SUMF1: variants seen among roughly 807,000 people sequenced by gnomAD.
SUMF1 encodes sulfatase modifying factor 1.
A neutral mutation model predicts 47.6 loss-of-function variants in SUMF1; 48 were observed. The observed-to-expected ratio is 1.01, with a 90% CI of 0.80 to 1.28. The LOEUF (loss-of-function observed/expected upper bound fraction) is 1.28. Among genes scored for constraint, SUMF1 ranks in the 50% most tolerant of loss-of-function variants. The pLI is 0.00. For missense variants in SUMF1, 571 were observed against 485.4 expected (o/e 1.18, Z -1.66); for synonymous variants, 230 against 192.1 (o/e 1.20, Z -1.63).
chr3:4,270,084 G>C, intron 8 of SUMF1, among the ~76,000 whole-genome samples: 1 of 152,104 alleles, frequency 6.6e-6, no homozygotes, highest in Non-Finnish European at 1.5e-5. Context: ...CCAAGGCCCA[G>C]AAGAGGTAGG....
chr3:4,118,946 G>A (rs1693478925), intron 8 of SUMF1, among the ~76,000 whole-genome samples: 1 of 152,080 alleles, frequency 6.6e-6, no homozygotes. Context: ...TGCCAAATCT[G>A]TATCCCTTGA....
chr3:4,244,274 T>C (rs1696610359), intron 8 of SUMF1, among the ~76,000 whole-genome samples: 1 of 152,216 alleles, frequency 6.6e-6, no homozygotes, highest in Admixed American at 6.5e-5. Context: ...GTTAATATTG[T>C]TATGTGTGAA....
chr3:4,238,938 G>T lies in SUMF1; in HGVS notation c.1014+137392C>A, dbSNP rs147769462. Among the ~76,000 whole-genome samples the T allele has an allele frequency of 4.5e-3, 679 of 151,920 alleles. 5 individuals are homozygous for T. Among genetic ancestry groups the T allele is most frequent in the Admixed American group, 6.8e-3 (103 of 15,228 alleles). ...ACACTTAAGCCTTTAATCCATCTTG[G>T]GTTAATTTTTCTATAAGGTGTAAGG... On this transcript the variant is annotated intron_variant and NMD_transcript_variant, in intron 8 of 12. Transcript: ENST00000448413.
chr3:4,420,793 CAG>C (rs952536197), intron 3 of SUMF1, among the ~76,000 whole-genome samples: 18 of 152,220 alleles, frequency 1.2e-4, no homozygotes, highest in Middle Eastern at 3.4e-3. Flanking sequence ...GATGAGGAAA[CAG>C]AGTTAACCCT....
chr3:4,129,924 T>A (rs1452278839), intron 8 of SUMF1, among the ~76,000 whole-genome samples: 1 of 152,116 alleles, frequency 6.6e-6, no homozygotes, highest in Non-Finnish European at 1.5e-5. Context: ...ACTTAGCAGT[T>A]GGCAGAACCC....
chr3:4,227,750 A>G (rs896774682), intron 8 of SUMF1, among the ~76,000 whole-genome samples: 2 of 152,158 alleles, frequency 1.3e-5, no homozygotes, highest in African/African-American at 4.8e-5. Context: ...GGAGGAGCAC[A>G]GCAGAGCTAA....
downstream of SUMF1, among the ~76,000 whole-genome samples, chr3:4,360,297 G>A (rs529016440): frequency 3.5e-5 from 5 of 142,722 alleles, no homozygotes; most frequent in African/African-American, 1.3e-4. Context: ...CCACAAATGT[G>A]GCTAAACGTG....
intron 8 of SUMF1, among the ~76,000 whole-genome samples, chr3:4,228,287 C>T (rs939619422): frequency 6.6e-6 from 1 of 151,950 alleles, no homozygotes; most frequent in Non-Finnish European, 1.5e-5. Context: ...CATAGTTATC[C>T]ACATACCAAG....
chr3:4,130,650 G>T (rs893422324), intron 8 of SUMF1, among the ~76,000 whole-genome samples: 5 of 152,132 alleles, frequency 3.3e-5, no homozygotes, highest in African/African-American at 1.2e-4. Flanking sequence ...CCAGTAGTGT[G>T]GGGCCTGTTG....
At chr3:4,404,018 G>A (rs906285726) in intron 7 of SUMF1, among the ~76,000 whole-genome samples, 1 of 152,204 alleles carries the variant, frequency 6.6e-6, no homozygotes, top group Non-Finnish European at 1.5e-5. Flanking sequence ...TGTCCAAATG[G>A]TAACTGGAAT....
At chr3:4,394,327 T>G (rs1382599737) in intron 7 of SUMF1, among the ~76,000 whole-genome samples, 1 of 151,968 alleles carries the variant, frequency 6.6e-6, no homozygotes, top group Non-Finnish European at 1.5e-5. Flanking sequence ...ATGCACCATT[T>G]TAAATTTTTG....
chr3:4,259,476 T>C (rs1377926130), intron 8 of SUMF1, among the ~76,000 whole-genome samples: 1 of 152,208 alleles, frequency 6.6e-6, no homozygotes, highest in East Asian at 1.9e-4. Context: ...ATGTGAATTA[T>C]TTACATATTT....
chr3:4,286,788 A>G (rs1697641562), intron 8 of SUMF1, among the ~76,000 whole-genome samples: 1 of 152,162 alleles, frequency 6.6e-6, no homozygotes, highest in African/African-American at 2.4e-5. Context: ...CCTAACGTAC[A>G]CTTGTAAAAC....
At chr3:4,161,248 A>G (rs1694570027) in intron 8 of SUMF1, among the ~76,000 whole-genome samples, 1 of 152,156 alleles carries the variant, frequency 6.6e-6, no homozygotes, top group Non-Finnish European at 1.5e-5. Flanking sequence ...TGTGGGTACC[A>G]ACACTGAAAC....
chr3:4,222,201 TA>T (rs1235875714), intron 8 of SUMF1, among the ~76,000 whole-genome samples: 1 of 152,100 alleles, frequency 6.6e-6, no homozygotes, highest in Admixed American at 6.6e-5. Flanking sequence ...TTAGGCTTTT[TA>T]AAAATTATCC....
At chr3:4,175,341 G>A (rs1015132077) in intron 8 of SUMF1, among the ~76,000 whole-genome samples, 1 of 152,066 alleles carries the variant, frequency 6.6e-6, no homozygotes. Flanking sequence ...CCAGAGGAAG[G>A]ATCAGGCAGC....
intron 8 of SUMF1, among the ~76,000 whole-genome samples, chr3:4,300,880 C>A (rs1697948617): frequency 6.6e-6 from 1 of 151,090 alleles, no homozygotes; most frequent in Non-Finnish European, 1.5e-5. Flanking sequence ...CATACAGAGA[C>A]ACACACACAC....
chr3:4,106,989 G>A (rs376961284), intron 8 of SUMF1, among the ~76,000 whole-genome samples: 4 of 152,104 alleles, frequency 2.6e-5, no homozygotes, highest in East Asian at 1.9e-4. Context: ...TCTCCAACCC[G>A]TTCAGAAAGG....
intron 3 of SUMF1, among the ~76,000 whole-genome samples, chr3:4,444,092 T>C (rs898532932): frequency 7.2e-5 from 11 of 152,024 alleles, no homozygotes; most frequent in African/African-American, 2.7e-4. Context: ...AACAACTAAT[T>C]TTCAAGGGAA....
Sources: allele counts gnomAD v4.1 joint callset (sites outside exome capture counted in the v4.1 genomes callset), GRCh38; gene constraint gnomAD v4.1.1; transcripts MANE v1.5; gene names NCBI Gene and HGNC (gene_info 2026-07-23, HGNC 2026-07-21).